Variants in GOT1 observed in about 807,000 individuals in gnomAD.
The protein encoded by GOT1 is glutamic-oxaloacetic transaminase 1.
GOT1 carries 25 observed loss-of-function variants against 48.2 expected under a neutral mutation model. The observed-to-expected ratio is 0.52, with a 90% confidence interval of 0.38 to 0.72. The LOEUF (loss-of-function observed/expected upper bound fraction) is 0.72, where lower values mean the gene tolerates loss of function less well. GOT1 is among the 30% of genes least tolerant of loss of function. The pLI is 0.00. For synonymous variants in GOT1, 188 were observed against 193.8 expected, an observed-to-expected ratio of 0.97 and a Z score of 0.25; for missense variants, 380 against 520.1, an observed-to-expected ratio of 0.73 and a Z score of 2.62.
intron 5 of GOT1, among the ~76,000 whole-genome samples, chr10:99,404,208 G>A (rs1589935478): frequency 1.3e-5 from 2 of 152,286 alleles, no homozygotes; most frequent in South Asian, 4.1e-4. Flanking sequence ...CCTTAGTCAA[G>A]TGTAGGCTTG....
At chr10:99,427,332 G>A (rs1043757976) in intron 1 of GOT1, among the ~76,000 whole-genome samples, 23 of 152,170 alleles carry the variant, frequency 1.5e-4, no homozygotes, top group Admixed American at 4.6e-4. Context: ...GCAGTGGCGC[G>A]ATCTCAGCTC....
intron 7 of GOT1, among the ~76,000 whole-genome samples, chr10:99,403,231 G>C (rs532234636): frequency 5.8e-4 from 88 of 152,200 alleles, no homozygotes; most frequent in South Asian, 1.7e-3. Flanking sequence ...TGGGTGGGGG[G>C]GGAAATTGGG....
At chr10:99,413,919 C>T (rs2032860078) in intron 2 of GOT1, among the ~76,000 whole-genome samples, 2 of 152,158 alleles carry the variant, frequency 1.3e-5, no homozygotes, top group South Asian at 4.1e-4. Context: ...GAGGCCTGCC[C>T]TACAAGAGCT....
At chr10:99,418,527 G>A (rs1325832792) in intron 2 of GOT1, among the ~76,000 whole-genome samples, 1 of 149,328 alleles carries the variant, frequency 6.7e-6, no homozygotes, top group African/African-American at 2.5e-5. Context: ...TTTGAGACAG[G>A]GTCCCATTCT....
At chr10:99,416,914 A>C (rs2032902401) in intron 2 of GOT1, among the ~76,000 whole-genome samples, 1 of 152,218 alleles carries the variant, frequency 6.6e-6, no homozygotes, top group African/African-American at 2.4e-5. Flanking sequence ...CTTACACCTT[A>C]TACAAAAATT....
intron 2 of GOT1, among the ~76,000 whole-genome samples, chr10:99,417,643 A>G (rs1237072376): frequency 2.0e-5 from 3 of 152,234 alleles, no homozygotes; most frequent in Non-Finnish European, 4.4e-5. Flanking sequence ...TGTTTATTGC[A>G]GCACTATTCA....
intron 2 of GOT1, among the ~76,000 whole-genome samples, chr10:99,407,519 G>A (rs578158498): frequency 2.0e-5 from 3 of 150,380 alleles, no homozygotes; most frequent in East Asian, 2.0e-4. Flanking sequence ...TGCAACTTCC[G>A]CCTCCCAGGT....
At chr10:99,423,729 G>T (rs1454606525) in intron 1 of GOT1, among the ~76,000 whole-genome samples, 1 of 152,096 alleles carries the variant, frequency 6.6e-6, no homozygotes. Context: ...GCTCACTGCA[G>T]CTTCAACCCC....
intron 8 of GOT1, among the ~76,000 whole-genome samples, chr10:99,401,736 C>A (rs561007371): frequency 6.6e-6 from 1 of 152,066 alleles, no homozygotes; most frequent in South Asian, 2.1e-4. Flanking sequence ...GCCCTACTGA[C>A]AATTGACCAA....
Position 99,402,679 on chromosome 10 carries a change from T to A in GOT1, c.1003A>T (p.Arg335Ter). The A allele has an allele frequency of 6.2e-7, 1 of 1,613,896 alleles. No individual in the cohort carries two copies. Among genetic ancestry groups the A allele is most frequent in the Middle Eastern group, 1.6e-4 (1 of 6,062 alleles). The part of the protein sequence containing the change: ...KTMADRILTM[R>*]SELRARLEAL... The stretch of plus-strand genomic sequence containing the variant: ...TCTAGTCGTGCCCTGAGTTCAGATC[T>A]CATGGTCAGAATCCGGTCAGCCATT... The change falls in exon 8 of 9, where the codon AGA (arginine) becomes TGA (stop). Residue 335 changes from arginine (R) to a stop codon, truncating the protein, a stop_gained. Coordinates refer to ENST00000370508, the MANE Select transcript of GOT1 (RefSeq NM_002079.3). LOFTEE classifies it high-confidence loss of function.
At position 99,397,408 on chromosome 10, in the gene GOT1, A is replaced by T; in HGVS notation, c.*139T>A. The stretch of plus-strand genomic sequence containing the variant: ...TGTTCTCTTCATGTGGGGCCGGTTT[A>T]AACAGAGGCTGCCTCACCAGAGCAG... On this transcript the variant is annotated 3_prime_UTR_variant, in exon 9 of 9. Coordinates refer to ENST00000370508, the MANE Select transcript of GOT1 (RefSeq NM_002079.3). The surrounding 1 kb of genome is among the most constrained non-coding windows in gnomAD (Gnocchi z 5.4). 1.1e-6 allele frequency: 1 copy of T among 886,496 alleles called. No individual in the cohort carries two copies. Among genetic ancestry groups the T allele is most frequent in the Non-Finnish European group, 1.8e-6 (1 of 548,660 alleles). The allele number at this position is 886,496 out of a possible 1,614,324, so 54.9% of individuals were successfully genotyped here. A position where few individuals can be genotyped will look rare whatever the true frequency, so the allele number is the denominator to read the frequency against.
chr10:99,430,076 A>G lies in GOT1; in HGVS notation c.118+372T>C. 1.3e-5 allele frequency: 5 copies of G among 387,890 alleles called. 1 individual carries two copies. Among genetic ancestry groups the G allele is most frequent in the South Asian group, 9.9e-5 (5 of 50,374 alleles). 24.0% of individuals were successfully genotyped at this position (387,890 alleles called of 1,614,324 possible). On this transcript the variant is annotated intron_variant, in intron 1 of 8. Coordinates refer to ENST00000370508, the MANE Select transcript of GOT1 (RefSeq NM_002079.3). ...AAAAGTTCTCCTTTACCCATTTCCT[A>G]GCAACCAGAACCCTAAGCCTATCAG... is the stretch of plus-strand genomic sequence containing the variant.
chr10:99,430,600 C>T lies in GOT1; in HGVS notation c.-35G>A. ...CTAGGAATCAAGAGATTTCACCCCA[C>T]GCCCGGAGCTGGCAGGTCAGGTCTG... is the stretch of plus-strand genomic sequence containing the variant. On this transcript the variant is annotated 5_prime_UTR_variant, in exon 1 of 9. In the 5' UTR this introduces an upstream ATG that the reference lacks. Coordinates refer to ENST00000370508, the MANE Select transcript of GOT1 (RefSeq NM_002079.3). 6.5e-7 allele frequency: 1 copy of T among 1,527,274 alleles called. No individual in the cohort carries two copies. Among genetic ancestry groups the T allele is most frequent in the Non-Finnish European group, 8.9e-7 (1 of 1,122,886 alleles). 94.6% of individuals were successfully genotyped at this position (1,527,274 alleles called of 1,614,324 possible).
chr10:99,417,917 G>A (rs1045268063), intron 2 of GOT1, among the ~76,000 whole-genome samples: 1 of 152,028 alleles, frequency 6.6e-6, no homozygotes, highest in East Asian at 1.9e-4. Context: ...GCGGAGAGGG[G>A]GGAAGGATAG....
intron 2 of GOT1, among the ~76,000 whole-genome samples, chr10:99,408,732 A>C (rs1331698778): frequency 6.6e-6 from 1 of 152,190 alleles, no homozygotes; most frequent in Non-Finnish European, 1.5e-5. Flanking sequence ...TAAATAAATA[A>C]GTAAATACAA....
rs2641 is a variant in GOT1 at position 99,397,002 on chromosome 10, C to A, written c.*545G>T. The A allele has an allele frequency of 1.3e-5, 2 of 153,698 alleles. No individual in the cohort carries two copies. Among genetic ancestry groups the A allele is most frequent in the Non-Finnish European group, 2.9e-5 (2 of 68,992 alleles). 9.5% of individuals were successfully genotyped at this position (153,698 alleles called of 1,614,324 possible). A position where few individuals can be genotyped will look rare whatever the true frequency, so the allele number is the denominator to read the frequency against. Reference sequence around the variant, plus strand: ...AAAACTTGTTTCAGTTAAATATGTACGTGTCCGTGCATGTCATGATTAAAT... The same window carrying A: ...AAAACTTGTTTCAGTTAAATATGTAAGTGTCCGTGCATGTCATGATTAAAT... On this transcript the variant is annotated 3_prime_UTR_variant, in exon 9 of 9. Transcript: ENST00000370508. This position sits in a 1 kb window ranked among gnomAD's most constrained non-coding sequence, Gnocchi z 5.4.
At position 99,406,737 on chromosome 10, in the gene GOT1, G is replaced by A; in HGVS notation, c.413C>T (p.Ser138Leu). 1 of 1,613,722 alleles carries A rather than the reference G, an allele frequency of 6.2e-7. No homozygotes were observed. The highest frequency in any genetic ancestry group is 8.5e-7 in the Non-Finnish European group (1 of 1,179,708). ...NNKNTPVYVSSPTWENHNAVF... is the reference protein window; with the variant it reads ...NNKNTPVYVSLPTWENHNAVF... The stretch of plus-strand genomic sequence containing the variant: ...GCTGAAAGACTCACCCCAGGTTGGT[G>A]AGGACACATAGACAGGTGTGTTCTT... Residue 138 changes from serine to leucine, a missense_variant, in exon 3 of 9, where the codon TCA (serine) becomes TTA (leucine). Physicochemically the swap from Ser to Leu is moderately radical, Grantham distance 145. Transcript: ENST00000370508.
At chr10:99,414,832 T>C (rs1234000009) in intron 2 of GOT1, among the ~76,000 whole-genome samples, 2 of 152,032 alleles carry the variant, frequency 1.3e-5, no homozygotes, top group East Asian at 3.9e-4. Context: ...AACCTGCTCC[T>C]GAATGACTAC....
chr10:99,419,037 T>A (rs2032934568), intron 2 of GOT1, among the ~76,000 whole-genome samples: 1 of 152,232 alleles, frequency 6.6e-6, no homozygotes, highest in African/African-American at 2.4e-5. Flanking sequence ...ACCAGGGCCT[T>A]CCCTGCTTCC....
Sources: gnomAD v4.1 joint callset for allele counts (sites outside exome capture counted in the v4.1 genomes callset) on GRCh38, gnomAD v4.1.1 for gene constraint, Gnocchi (gnomAD v3.1) non-coding constraint, MANE v1.5 for transcripts, NCBI Gene and HGNC (gene_info 2026-07-23, HGNC 2026-07-21) for gene names.